Variants in HOXC5 observed in about 807,000 individuals in gnomAD.
HOXC5 encodes the protein homeobox C5, also known as homeobox protein Hox-C5.
A neutral mutation model predicts 20.1 loss-of-function variants in HOXC5; 19 were observed. The ratio of observed to expected loss-of-function variants is 0.94; its 90% CI spans 0.66 to 1.38. The LOEUF (loss-of-function observed/expected upper bound fraction) is 1.38. Among genes scored for constraint, HOXC5 ranks in the 40% most tolerant of loss-of-function variants. The pLI is 0.00. For missense variants in HOXC5, 330 were observed against 300.1 expected, an observed-to-expected ratio of 1.10 and a Z score of -0.74; for synonymous variants, 124 against 117.0, an observed-to-expected ratio of 1.06 and a Z score of -0.39.
upstream of HOXC5, among the ~76,000 whole-genome samples, chr12:54,032,653 GC>G (rs1309413590): frequency 1.3e-5 from 2 of 152,182 alleles, no homozygotes; most frequent in Non-Finnish European, 2.9e-5. Flanking sequence ...CTCAGGGGTT[GC>G]CCCAACAACC....
Position 54,034,644 on chromosome 12 carries a change from A to T in HOXC5, c.*152A>T. On this transcript the variant is annotated 3_prime_UTR_variant, in exon 2 of 2. Transcript: ENST00000312492. ...ACAGACAAAAGCGCTTTTCCTTGGCATTCCGCATCCCTACCGACCCAGGGT... is the reference window on the plus strand; with the variant it reads ...ACAGACAAAAGCGCTTTTCCTTGGCTTTCCGCATCCCTACCGACCCAGGGT... The T allele has an allele frequency of 1.6e-6, 1 of 644,622 alleles. No homozygotes were observed. The highest frequency in any genetic ancestry group is 2.7e-6 in the Non-Finnish European group (1 of 375,304). The allele number at this position is 644,622 out of a possible 1,614,324, so 39.9% of individuals were successfully genotyped here. A position where few individuals can be genotyped will look rare whatever the true frequency, so the allele number is the denominator to read the frequency against.
the HOXC5 span, chr12:54,020,749 C>T: frequency 6.6e-6 from 1 of 152,174 alleles, no homozygotes; most frequent in East Asian, 1.9e-4. Flanking sequence ...TGTGCATGCT[C>T]TGCTGGAAAT....
At position 54,033,352 on chromosome 12, in the gene HOXC5, GCGC is replaced by G. The variant is rs1168955986; in HGVS notation, c.234_236del (p.Ala81del). ...GCTCACCCCGACCGCCCCGCCTGCA[GCGC>G]CGCGGCCGCTCCGGGACACGCTCCG... On this transcript the variant is annotated inframe_deletion, in exon 1 of 2. Transcript: ENST00000312492. The G allele has an allele frequency of 3.1e-6, 5 of 1,612,842 alleles. No homozygotes were observed. The highest frequency in any genetic ancestry group is 3.4e-6 in the Non-Finnish European group (4 of 1,179,416).
the HOXC5 span, chr12:54,021,989 C>T: frequency 1.4e-4 from 21 of 152,360 alleles, no homozygotes; most frequent in Admixed American, 3.9e-4. Context: ...AGTCTTAAAA[C>T]AGGGCAGCTG....
At chr12:54,029,593 A>C (rs756477892), upstream of HOXC5, 1 of 1,544,270 alleles carries the variant, frequency 6.5e-7, no homozygotes, top group Admixed American at 1.8e-5. Flanking sequence ...TTGCTAGGCG[A>C]AACAGTCTGC....
upstream of HOXC5, among the ~76,000 whole-genome samples, chr12:54,031,922 T>C (rs1782743801): frequency 6.6e-6 from 1 of 152,182 alleles, no homozygotes. Flanking sequence ...TTGTGAACCT[T>C]ATGGATTCAG....
At chr12:54,030,738 C>T (rs1257449851), upstream of HOXC5, 1 of 152,612 alleles carries the variant, frequency 6.6e-6, no homozygotes, top group South Asian at 2.1e-4. Flanking sequence ...ATAAATAAAT[C>T]CCTTCGTGTT....
chr12:54,033,868 G>C, intron 1 of HOXC5: 1 of 505,002 alleles, frequency 2.0e-6, no homozygotes. Flanking sequence ...GCTCCAGAGC[G>C]GGGATCCCCC....
At chr12:54,029,933 G>C (rs201035626), upstream of HOXC5, 4 of 1,596,478 alleles carry the variant, frequency 2.5e-6, no homozygotes, top group Non-Finnish European at 3.4e-6. Flanking sequence ...AAAGCGGGAA[G>C]AGACAGAAGA....
At chr12:54,025,772 TC>T in the HOXC5 span, among the ~76,000 whole-genome samples, 1 of 152,016 alleles carries the variant, frequency 6.6e-6, no homozygotes, top group African/African-American at 2.4e-5. Flanking sequence ...GTCGCCAACC[TC>T]CCTGAGCCCA....
chr12:54,028,265 A>ATTTT (rs1422671421), upstream of HOXC5: 1 of 71,346 alleles, frequency 1.4e-5, no homozygotes, highest in African/African-American at 4.9e-5. Context: ...ATATATATAT[A>ATTTT]TATTTTTTAA....
rs1181553776 is a variant in HOXC5, at chr12:54,033,097, A to G, written c.-26A>G. On this transcript the variant is annotated 5_prime_UTR_variant, in exon 1 of 2. Transcript: ENST00000312492. ...AATCACCCTTAATCAAAAAGGGTGCAGAAATTTTTTTGGGCCCTCCCCGCC... is the reference window on the plus strand; with the variant it reads ...AATCACCCTTAATCAAAAAGGGTGCGGAAATTTTTTTGGGCCCTCCCCGCC... The G allele has an allele frequency of 6.3e-7, 1 of 1,586,814 alleles. No homozygotes were observed. Among genetic ancestry groups the G allele is most frequent in the Non-Finnish European group, 8.6e-7 (1 of 1,161,074 alleles).
At chr12:54,020,013 C>T in the HOXC5 span, 9 of 152,258 alleles carry the variant, frequency 5.9e-5, no homozygotes, top group African/African-American at 2.2e-4. Context: ...GACTCCAACA[C>T]CAACTCTCTG....
At chr12:54,026,938 C>CG in the HOXC5 span, among the ~76,000 whole-genome samples, 84 of 140,154 alleles carry the variant, frequency 6.0e-4, no homozygotes, top group Non-Finnish European at 1.1e-3. Context: ...GCCAGCTTTC[C>CG]CCCCCCCCAA....
chr12:54,034,008 G>T (rs1469822452), intron 1 of HOXC5: 1 of 658,918 alleles, frequency 1.5e-6, no homozygotes, highest in Non-Finnish European at 2.9e-6. Context: ...CTTATTGTTC[G>T]GTCCGAGCCT....
the HOXC5 span, chr12:54,020,474 C>T: frequency 6.6e-6 from 1 of 152,198 alleles, no homozygotes; most frequent in South Asian, 2.1e-4. Flanking sequence ...AGAATGCGAC[C>T]TTGTTTGGAG....
the HOXC5 span, among the ~76,000 whole-genome samples, chr12:54,026,362 A>T: frequency 6.6e-6 from 1 of 152,214 alleles, no homozygotes; most frequent in Non-Finnish European, 1.5e-5. Flanking sequence ...GCATGCCATG[A>T]ATTCGAGGAC....
chr12:54,034,739 C>G lies in HOXC5; in HGVS notation c.*247C>G, dbSNP rs1941136738. 1.4e-5 allele frequency: 7 copies of G among 517,016 alleles called. No individual in the cohort carries two copies. The Admixed American group carries it at 2.3e-4, about 17-fold the overall frequency. The allele number at this position is 517,016 out of a possible 1,614,324, so 32.0% of individuals were successfully genotyped here. On this transcript the variant is annotated 3_prime_UTR_variant, in exon 2 of 2. Transcript: ENST00000312492. ...TCAGCTCGGTACCCGGGGCCCAGGG[C>G]AAGCTCCGCAGGACTTCCCCGGAGG...
At chr12:54,019,305 C>T in the HOXC5 span, among the ~76,000 whole-genome samples, 2 of 152,230 alleles carry the variant, frequency 1.3e-5, no homozygotes, top group East Asian at 1.9e-4. Flanking sequence ...GCCGCCTGCT[C>T]AGGCTGCCGC....
Sources: allele counts gnomAD v4.1 joint callset (sites outside exome capture counted in the v4.1 genomes callset), GRCh38; gene constraint gnomAD v4.1.1; transcripts MANE v1.5; gene names NCBI Gene and HGNC (gene_info 2026-07-23, HGNC 2026-07-21).